The following WDR93 variants were observed in gnomAD, a reference collection of about 807,000 sequenced individuals.
WDR93 encodes WD repeat-containing protein 93.
WDR93 carries 73 observed loss-of-function variants against 82.9 expected under a neutral mutation model. The observed-to-expected ratio is 0.88, with a 90% CI of 0.73 to 1.07. The LOEUF (loss-of-function observed/expected upper bound fraction) is 1.07, where lower values mean the gene tolerates loss of function less well. WDR93 is among the 50% of genes least tolerant of loss of function. WDR93 has a pLI of 0.00. For missense variants in WDR93, 738 were observed against 826.0 expected, an observed-to-expected ratio of 0.89 and a Z score of 1.31; for synonymous variants, 283 against 300.1, an observed-to-expected ratio of 0.94 and a Z score of 0.59.
intron 14 of WDR93, among the ~76,000 whole-genome samples, chr15:89,736,669 C>T (rs1164915598): frequency 2.0e-5 from 3 of 151,880 alleles, no homozygotes; most frequent in Non-Finnish European, 2.9e-5. Flanking sequence ...ATGGTGGAGA[C>T]GAGTGGCTGA....
intron 11 of WDR93, 128 bp from the exon 12 acceptor site, chr15:89,731,315 C>T: frequency 7.2e-7 from 1 of 1,388,512 alleles, no homozygotes. Flanking sequence ...GATGGTGAGT[C>T]CAGACAGGTG....
chr15:89,743,070 C>T (rs1465923476), intron 16 of WDR93, among the ~76,000 whole-genome samples: 3 of 152,230 alleles, frequency 2.0e-5, no homozygotes, highest in Admixed American at 1.3e-4. Flanking sequence ...TGTCTACCCA[C>T]ATGCACCTCA....
In WDR93 at chr15:89,727,336, T is replaced by C. The variant is rs3743117; in HGVS notation, c.1052+8T>C. 0.44 allele frequency: 703,503 copies of C among 1,611,866 alleles called. 157,221 individuals carry two copies. Among genetic ancestry groups the C allele is most frequent in the African/African-American group, 0.49 (36,695 of 74,916 alleles). ...GGAGGAAGAGCCACTCAGGTGAGCC[T>C]CCTAATCCCGGGAAAGCCAGGGAGC... On this transcript the variant is annotated splice_region_variant and intron_variant, in intron 9 of 16. Transcript: ENST00000268130.
At chr15:89,700,372 G>T (rs879547727) in intron 1 of WDR93, among the ~76,000 whole-genome samples, 8 of 151,822 alleles carry the variant, frequency 5.3e-5, no homozygotes, top group Admixed American at 5.3e-4. Context: ...TACTCCAGCC[G>T]GTAAAAAAAG....
intron 7 of WDR93, among the ~76,000 whole-genome samples, chr15:89,718,948 G>A (rs771167770): frequency 6.6e-6 from 1 of 152,094 alleles, no homozygotes; most frequent in African/African-American, 2.4e-5. Context: ...TCTTTAGTGT[G>A]TATTTACATC....
At chr15:89,717,045 C>CTTTTTTTTTTT (rs11457156) in intron 7 of WDR93, 96 bp downstream of exon 7, 107 of 172,086 alleles carry the variant, frequency 6.2e-4, no homozygotes, top group African/African-American at 1.5e-3. Context: ...CTTTTTCTTT[C>CTTTTTTTTTTT]TTTTTTTTTT....
rs1440005686 is a variant in WDR93, at chr15:89,735,499, G to A, written c.1554G>A (p.Lys518=). ...TISVLVERPV[K]HLDKTICAVA... Reference sequence around the variant, plus strand: ...ATTTTCTGTCCTATAGGCCTGTAAAGCACCTGGATAAAACCATCTGTGCCG... The same window carrying A: ...ATTTTCTGTCCTATAGGCCTGTAAAACACCTGGATAAAACCATCTGTGCCG... The change falls in exon 14 of 17, where the codon AAG becomes AAA. Residue 518 remains lysine, a synonymous_variant. Coordinates refer to ENST00000268130, the MANE Select transcript of WDR93 (RefSeq NM_020212.2). The A allele has an allele frequency of 1.2e-6, 2 of 1,614,130 alleles. No individual in the cohort carries two copies. Among genetic ancestry groups the A allele is most frequent in the Non-Finnish European group, 1.7e-6 (2 of 1,180,024 alleles).
intron 1 of WDR93, among the ~76,000 whole-genome samples, chr15:89,698,608 A>G (rs892619417): frequency 2.0e-5 from 3 of 152,150 alleles, no homozygotes; most frequent in African/African-American, 7.2e-5. Flanking sequence ...TGGTTAATTT[A>G]GGGTTTAGAG....
intron 3 of WDR93, 26 bp from the exon 4 acceptor site, chr15:89,705,527 AC>A: frequency 7.5e-7 from 1 of 1,332,142 alleles, no homozygotes. Flanking sequence ...GTCTGTCTTA[AC>A]ATTCTCACTT....
Position 89,722,145 on chromosome 15 carries a change from T to C in WDR93, c.880+6T>C. 1.3e-6 allele frequency: 2 copies of C among 1,583,150 alleles called. No individual in the cohort carries two copies. Among genetic ancestry groups the C allele is most frequent in the Non-Finnish European group, 1.7e-6 (2 of 1,161,952 alleles). On this transcript the variant is annotated splice_donor_region_variant and intron_variant, in intron 8 of 16. Transcript: ENST00000268130. Reference sequence around the variant, plus strand: ...ACCACCTAAGCCTGTTACAGGTAAGTGTGATTCAAATCTCTCTCCTTTTGC... The same window carrying C: ...ACCACCTAAGCCTGTTACAGGTAAGCGTGATTCAAATCTCTCTCCTTTTGC...
At chr15:89,718,759 C>T (rs912773539) in intron 7 of WDR93, among the ~76,000 whole-genome samples, 2 of 151,952 alleles carry the variant, frequency 1.3e-5, no homozygotes, top group Non-Finnish European at 2.9e-5. Context: ...ATTAGCTTGA[C>T]ATGTTTTTTT....
At chr15:89,709,862 A>AT (rs1965883937) in intron 4 of WDR93, among the ~76,000 whole-genome samples, 3 of 150,434 alleles carry the variant, frequency 2.0e-5, no homozygotes, top group Admixed American at 1.3e-4. Flanking sequence ...ATTTGTAATA[A>AT]AAAAAAAAAT....
At chr15:89,736,583 G>T (rs1263941550) in intron 14 of WDR93, among the ~76,000 whole-genome samples, 1 of 152,034 alleles carries the variant, frequency 6.6e-6, no homozygotes, top group East Asian at 1.9e-4. Context: ...AAACTGCATG[G>T]GGACAGTCCT....
At chr15:89,703,204 T>C in intron 3 of WDR93, 62 bp downstream of exon 3, 1 of 1,581,176 alleles carries the variant, frequency 6.3e-7, no homozygotes, top group Non-Finnish European at 8.7e-7. Context: ...GTTGTCAATT[T>C]AATCTCCTTT....
intron 1 of WDR93, among the ~76,000 whole-genome samples, chr15:89,693,898 C>A (rs1965020086): frequency 6.6e-6 from 1 of 152,172 alleles, no homozygotes; most frequent in South Asian, 2.1e-4. Context: ...TGGGGATAAT[C>A]AGAAGTTAAC....
At chr15:89,737,970 C>G (rs1967342985) in intron 15 of WDR93, 71 bp from the exon 16 acceptor site, 2 of 1,498,708 alleles carry the variant, frequency 1.3e-6, no homozygotes, top group Admixed American at 4.0e-5. Context: ...CCCCCACCTG[C>G]TCACCTGGAC....
intron 13 of WDR93, 99 bp downstream of exon 13, chr15:89,733,318 CT>C: frequency 8.9e-7 from 1 of 1,119,554 alleles, no homozygotes; most frequent in Non-Finnish European, 1.3e-6. Context: ...TACAGTCCAC[CT>C]TTTGTATAGT....
chr15:89,697,344 G>C (rs1965231848), intron 1 of WDR93, among the ~76,000 whole-genome samples: 1 of 152,126 alleles, frequency 6.6e-6, no homozygotes, highest in African/African-American at 2.4e-5. Context: ...TCCCATTCCT[G>C]AGTATCTACC....
At chr15:89,699,088 T>C (rs965333754) in intron 1 of WDR93, among the ~76,000 whole-genome samples, 2 of 152,044 alleles carry the variant, frequency 1.3e-5, no homozygotes, top group African/African-American at 4.8e-5. Flanking sequence ...TCTTGAACTT[T>C]AGGGCTCAAG....
Sources: gnomAD v4.1 joint callset for allele counts (sites outside exome capture counted in the v4.1 genomes callset) on GRCh38, gnomAD v4.1.1 for gene constraint, MANE v1.5 for transcripts, NCBI Gene and HGNC (gene_info 2026-07-23, HGNC 2026-07-21) for gene names.